CEL: variants seen among roughly 807,000 people sequenced by gnomAD.
CEL encodes the protein carboxyl ester lipase, also known as bile salt-activated lipase.
Under a neutral mutation model 57.1 loss-of-function variants are expected in CEL, and 39 were observed. That is an observed-to-expected ratio of 0.68 (90% confidence interval 0.53 to 0.89). The LOEUF is 0.89. Among genes scored for constraint, CEL ranks in the 40% least tolerant of loss-of-function variants. The probability of loss-of-function intolerance (pLI) is 0.00; values close to 1 mark genes in which losing one functional copy is unlikely to be tolerated. For synonymous variants in CEL, 314 were observed against 396.6 expected (o/e 0.79, Z 2.48); for missense variants, 698 against 915.0 (o/e 0.76, Z 3.06).
intron 10 of CEL, 65 bp from the exon 11 acceptor site, chr9:133,070,922 T>C (rs1224737452): frequency 1.5e-5 from 23 of 1,579,324 alleles, no homozygotes; most frequent in Non-Finnish European, 1.9e-5. Context: ...GGCGTGCAGG[T>C]GGAGAGCAGG....
chr9:133,070,275 G>C (rs1438901984), intron 9 of CEL, among the ~76,000 whole-genome samples, 186 bp from the exon 10 acceptor site: 1 of 147,512 alleles, frequency 6.8e-6, no homozygotes, highest in African/African-American at 2.5e-5. Flanking sequence ...TGAAATTGTG[G>C]AACCCATGAA....
At chr9:133,070,774 C>G in intron 10 of CEL, 116 bp downstream of exon 10, 2 of 1,349,558 alleles carry the variant, frequency 1.5e-6, no homozygotes, top group Non-Finnish European at 2.1e-6. Flanking sequence ...CTTAACCTCC[C>G]CCTGCATCGG....
chr9:133,070,832 C>T (rs1830248140), intron 10 of CEL, among the ~76,000 whole-genome samples, 155 bp from the exon 11 acceptor site: 1 of 152,162 alleles, frequency 6.6e-6, no homozygotes, highest in African/African-American at 2.4e-5. Flanking sequence ...GCCCCAAGCC[C>T]ATGCACGTGC....
In CEL at chr9:133,070,445, G is replaced by C; in HGVS notation, c.1287-16G>C. 1.2e-6 allele frequency: 2 copies of C among 1,608,314 alleles called. No individual in the cohort carries two copies. Among genetic ancestry groups the C allele is most frequent in the Non-Finnish European group, 1.7e-6 (2 of 1,176,500 alleles). ...CAGTGAGCACCCTGCCTACTTGGGTGGTCTCTCCCCTCCAGGAGTGCCAAG... is the reference window on the plus strand; with the variant it reads ...CAGTGAGCACCCTGCCTACTTGGGTCGTCTCTCCCCTCCAGGAGTGCCAAG... On this transcript the variant is annotated splice_polypyrimidine_tract_variant and intron_variant, in intron 9 of 10. Coordinates refer to ENST00000372080, the MANE Select transcript of CEL (RefSeq NM_001807.6).
rs771529870 is a variant in CEL at position 133,067,250 on chromosome 9, T to A, written c.895+45T>A. ...GGCCCATGGGGTCTCGAGGTGGGGG[T>A]TGAGGGGGGTACTGCCAGGGAGTAC... On this transcript the variant is annotated intron_variant, in intron 7 of 10. Transcript: ENST00000372080. 8 of 1,547,674 alleles carry A rather than the reference T, an allele frequency of 5.2e-6. No homozygotes were observed. In the Admixed American group the frequency reaches 1.3e-4, roughly 26 times the overall value.
rs1170767288 is a variant in CEL, at chr9:133,071,477, G to T, written c.1975G>T (p.Val659Leu). 2.8e-6 allele frequency: 1 copy of T among 358,716 alleles called. No homozygotes were observed. Among genetic ancestry groups the T allele is most frequent in the South Asian group, 5.4e-5 (1 of 18,474 alleles). The allele number at this position is 358,716 out of a possible 1,614,324, so 22.2% of individuals were successfully genotyped here. The change falls in exon 11 of 11, where the codon GTG (valine) becomes TTG (leucine). Residue 659 changes from valine (V) to leucine (L), a missense_variant. Transcript: ENST00000372080. ...PPTGDSGAPP[V>L]PPTGDSGAPP... ...CACGGGTGACTCCGGGGCCCCCCCC[G>T]TGCCGCCCACGGGTGACTCCGGCGC...
At position 133,071,220 on chromosome 9, in the gene CEL, C is replaced by G. The variant is rs766698174; in HGVS notation, c.1718C>G (p.Pro573Arg). The change falls in exon 11 of 11, where the codon CCC becomes CGC. Residue 573 changes from proline to arginine, a missense_variant. By Grantham distance (103) the Pro-to-Arg change is moderately radical. Around this residue, in one of 6 missense-constraint regions of CEL, gnomAD observed 238 missense variants for 213.7 expected, o/e 1.11. Coordinates refer to ENST00000372080, the MANE Select transcript of CEL (RefSeq NM_001807.6). ...GACTCCGAGGCCACTCCCGTGCCCC[C>G]CACGGGTGACTCCGAGACCGCCCCC... Reference protein sequence around the residue: ...TGDSEATPVPPTGDSETAPVP... With the variant: ...TGDSEATPVPRTGDSETAPVP... 6.3e-7 allele frequency: 1 copy of G among 1,595,604 alleles called. No homozygotes were observed. Among genetic ancestry groups the G allele is most frequent in the East Asian group, 2.3e-5 (1 of 44,426 alleles).
At chr9:133,069,575 T>A (rs931310083) in intron 9 of CEL, among the ~76,000 whole-genome samples, 1 of 152,074 alleles carries the variant, frequency 6.6e-6, no homozygotes, top group African/African-American at 2.4e-5. Flanking sequence ...GAGAGAACAC[T>A]GGACAATAGT....
chr9:133,064,960 C>T, intron 3 of CEL, 80 bp from the exon 4 acceptor site: 1 of 1,584,702 alleles, frequency 6.3e-7, no homozygotes, highest in South Asian at 1.1e-5. Flanking sequence ...CCCCAGGCAC[C>T]TGCTGCACAG....
intron 1 of CEL, 124 bp from the exon 2 acceptor site, chr9:133,064,280 C>T: frequency 7.6e-7 from 1 of 1,316,252 alleles, no homozygotes; most frequent in Non-Finnish European, 1.1e-6. Context: ...GTCTCCTGTG[C>T]AGAGCTGTCC....
At position 133,070,656 on chromosome 9, in the gene CEL, A is replaced by G; in HGVS notation, c.1482A>G (p.Thr494=). ...MIAYWTNFAK[T]GDPNMGDSAV... ...CCTACTGGACCAACTTTGCCAAAAC[A>G]GGGTAAGACGTGGGTTGAGTGCAGG... is the stretch of plus-strand genomic sequence containing the variant. Residue 494 remains threonine, a splice_region_variant and synonymous_variant, in exon 10 of 11, where the codon ACA becomes ACG. Coordinates refer to ENST00000372080, the MANE Select transcript of CEL (RefSeq NM_001807.6). 6.2e-7 allele frequency: 1 copy of G among 1,614,180 alleles called. No homozygotes were observed.
Position 133,066,287 on chromosome 9 carries a change from C to A in CEL, c.539-243C>A, listed in dbSNP as rs1029028954. 1.3e-5 allele frequency among the ~76,000 whole-genome samples: 2 copies of A among 151,894 alleles called. No homozygotes were observed. Among genetic ancestry groups the A allele is most frequent in the African/African-American group, 4.8e-5 (2 of 41,312 alleles). ...GACCCACCCCATACAGCACCGCACC[C>A]GACTCAGCCTCCTGGGGACCCACCC... On this transcript the variant is annotated intron_variant, in intron 4 of 10. Coordinates refer to ENST00000372080, the MANE Select transcript of CEL (RefSeq NM_001807.6). The surrounding 1 kb of genome is among the most constrained non-coding windows in gnomAD (Gnocchi z 4.3).
rs1194681884 is a variant in CEL, at chr9:133,064,708, G to A, written c.286G>A (p.Gly96Arg). The stretch of plus-strand genomic sequence containing the variant: ...CACCATCACCCAGGACAGCACCTAC[G>A]GGGATGAAGACTGCCTGTACCTCAA... The part of the protein sequence containing the change: ...QATITQDSTY[G>R]DEDCLYLNIW... The change falls in exon 3 of 11, where the codon GGG (glycine) becomes AGG (arginine). Residue 96 changes from glycine to arginine, a missense_variant. By Grantham distance (125) the Gly-to-Arg change is moderately radical. Coordinates refer to ENST00000372080, the MANE Select transcript of CEL (RefSeq NM_001807.6). 11 of 1,614,120 alleles carry A rather than the reference G, an allele frequency of 6.8e-6. 1 individual carries two copies. The highest frequency in any genetic ancestry group is 1.7e-5 in the Admixed American group (1 of 60,024).
At position 133,071,659 on chromosome 9, in the gene CEL, C is replaced by T. The variant is rs947881649; in HGVS notation, c.2157C>T (p.Asp719=). 3.8e-6 allele frequency: 6 copies of T among 1,579,328 alleles called. No homozygotes were observed. The highest frequency in any genetic ancestry group is 2.3e-5 in the East Asian group (1 of 43,792). ...SETAPVPPTG[D]SGAPPVPPTG... ...CCGCCCCCGTGCCGCCCACGGGTGACTCCGGGGCCCCCCCTGTGCCCCCCA... is the reference window on the plus strand; with the variant it reads ...CCGCCCCCGTGCCGCCCACGGGTGATTCCGGGGCCCCCCCTGTGCCCCCCA... Residue 719 remains aspartate, a synonymous_variant, in exon 11 of 11, where the codon GAC becomes GAT. Coordinates refer to ENST00000372080, the MANE Select transcript of CEL (RefSeq NM_001807.6).
chr9:133,066,824 T>C lies in CEL; in HGVS notation c.670-14T>C. On this transcript the variant is annotated splice_polypyrimidine_tract_variant and intron_variant, in intron 5 of 10. Coordinates refer to ENST00000372080, the MANE Select transcript of CEL (RefSeq NM_001807.6). This position sits in a 1 kb window ranked among gnomAD's most constrained non-coding sequence, Gnocchi z 4.3. ...GGGGAGCGGCCTTGGTGACGGGATTTCTGGGTCCCGTAGACCCTCTCCCCC... is the reference window on the plus strand; with the variant it reads ...GGGGAGCGGCCTTGGTGACGGGATTCCTGGGTCCCGTAGACCCTCTCCCCC... The C allele has an allele frequency of 6.2e-7, 1 of 1,610,402 alleles. No homozygotes were observed. Among genetic ancestry groups the C allele is most frequent in the Non-Finnish European group, 8.5e-7 (1 of 1,178,310 alleles).
chr9:133,064,836 T>C (rs1830149444), intron 3 of CEL, 74 bp downstream of exon 3: 1 of 1,605,910 alleles, frequency 6.2e-7, no homozygotes, highest in Admixed American at 1.7e-5. Flanking sequence ...GGCTTGAGTC[T>C]GGGGGCTGCA....
Position 133,066,594 on chromosome 9 carries a change from C to CT in CEL, c.603_604insT (p.Gly202TrpfsTer61). The CT allele has an allele frequency of 6.2e-7, 1 of 1,613,854 alleles. No individual in the cohort carries two copies. Among genetic ancestry groups the CT allele is most frequent in the Middle Eastern group, 1.6e-4 (1 of 6,062 alleles). On this transcript the variant is annotated frameshift_variant, in exon 5 of 11. Transcript: ENST00000372080. LOFTEE classifies it high-confidence loss of function. This position sits in a 1 kb window ranked among gnomAD's most constrained non-coding sequence, Gnocchi z 4.3. ...GGGTGAAGAGGAATATCGCGGCCTT[C>CT]GGGGGGGACCCCAACAACATCACGC...
chr9:133,069,616 T>G (rs887227053), intron 9 of CEL, among the ~76,000 whole-genome samples: 3 of 152,022 alleles, frequency 2.0e-5, no homozygotes, highest in African/African-American at 7.3e-5. Context: ...GGGCCTCAAC[T>G]TTGCCCATAA....
intron 7 of CEL, among the ~76,000 whole-genome samples, chr9:133,068,104 G>A (rs1479415031): frequency 4.6e-5 from 7 of 152,142 alleles, no homozygotes; most frequent in African/African-American, 7.2e-5. Flanking sequence ...CAACCCCCAC[G>A]GCCCCGCTAG....
Sources: allele counts gnomAD v4.1 joint callset (sites outside exome capture counted in the v4.1 genomes callset), GRCh38; gene constraint gnomAD v4.1.1; regional missense constraint gnomAD v4.1.1; non-coding constraint Gnocchi (gnomAD v3.1); transcripts MANE v1.5; gene names NCBI Gene and HGNC (gene_info 2026-07-23, HGNC 2026-07-21).